The following THADA variants were observed in gnomAD, a reference collection of about 807,000 sequenced individuals.
THADA encodes the protein tRNA (32-2'-O)-methyltransferase regulator THADA.
THADA carries 213 observed loss-of-function variants against 219.8 expected under a neutral mutation model. The observed-to-expected ratio is 0.97, with a 90% CI of 0.87 to 1.09. The LOEUF (loss-of-function observed/expected upper bound fraction) is 1.09. Ranked by LOEUF, THADA falls within the 50% of genes least tolerant of loss-of-function variation. The pLI, the probability that THADA is intolerant of heterozygous loss-of-function variation, is 0.00. For synonymous variants in THADA, 1,018 were observed against 828.9 expected, an observed-to-expected ratio of 1.23 and a Z score of -3.92; for missense variants, 2,956 against 2,311.3, an observed-to-expected ratio of 1.28 and a Z score of -5.72.
intron 29 of THADA, among the ~76,000 whole-genome samples, chr2:43,378,310 C>G (rs774111229): frequency 8.6e-5 from 13 of 152,014 alleles, no homozygotes; most frequent in Non-Finnish European, 1.5e-4. Context: ...AATCAAGAAT[C>G]AAGCCCAGAG....
intron 28 of THADA, among the ~76,000 whole-genome samples, chr2:43,419,487 T>A (rs1454271269): frequency 1.3e-5 from 2 of 152,270 alleles, no homozygotes; most frequent in African/African-American, 4.8e-5. Context: ...CAGAGAAAGC[T>A]AACCGAAACA....
At chr2:43,377,342 T>C (rs1671496717) in intron 29 of THADA, among the ~76,000 whole-genome samples, 1 of 152,196 alleles carries the variant, frequency 6.6e-6, no homozygotes, top group Non-Finnish European at 1.5e-5. Context: ...AGTCAATGCT[T>C]GACTGAGGTG....
chr2:43,416,986 T>C lies in THADA; in HGVS notation c.4058+11114A>G, dbSNP rs377058904. Among the ~76,000 whole-genome samples, 94 of 151,914 alleles carry C rather than the reference T, an allele frequency of 6.2e-4. 2 individuals carry two copies. In the South Asian group the frequency reaches 0.018, roughly 29 times the overall value. On this transcript the variant is annotated intron_variant, in intron 28 of 37. Transcript: ENST00000405975. ...TTTACAATTACTGCATAAGAAAACATTGGCAATTTAAAAAAGTTTCAACAC... is the reference window on the plus strand; with the variant it reads ...TTTACAATTACTGCATAAGAAAACACTGGCAATTTAAAAAAGTTTCAACAC...
chr2:43,595,359 G>A (rs1702029454), intron 1 of THADA, among the ~76,000 whole-genome samples: 1 of 152,186 alleles, frequency 6.6e-6, no homozygotes, highest in Non-Finnish European at 1.5e-5. Flanking sequence ...GTCAGATCTA[G>A]AGGAATAGAG....
intron 20 of THADA, among the ~76,000 whole-genome samples, chr2:43,542,441 A>G: frequency 6.6e-6 from 1 of 152,132 alleles, no homozygotes; most frequent in East Asian, 1.9e-4. Context: ...AAGTGTGGAG[A>G]TAATTTTTTG....
At chr2:43,372,998 G>GT (rs1242933513) in intron 29 of THADA, among the ~76,000 whole-genome samples, 1 of 151,992 alleles carries the variant, frequency 6.6e-6, no homozygotes, top group African/African-American at 2.4e-5. Flanking sequence ...GCCAAGTCTA[G>GT]TAAGTATTTA....
intron 21 of THADA, among the ~76,000 whole-genome samples, chr2:43,533,900 G>A (rs888663670): frequency 2.6e-5 from 4 of 152,034 alleles, no homozygotes; most frequent in African/African-American, 9.7e-5. Context: ...AGAACTTAAA[G>A]TAAAATAAAA....
intron 36 of THADA, among the ~76,000 whole-genome samples, chr2:43,259,317 G>A (rs1184961089): frequency 1.3e-5 from 2 of 152,214 alleles, no homozygotes; most frequent in Non-Finnish European, 2.9e-5. Flanking sequence ...CTGCTCCTGA[G>A]TCTTGATCCA....
At chr2:43,443,729 G>A (rs1486704374) in intron 26 of THADA, among the ~76,000 whole-genome samples, 4 of 152,238 alleles carry the variant, frequency 2.6e-5, no homozygotes, top group African/African-American at 9.6e-5. Flanking sequence ...GAATGAAGCA[G>A]CTTTAAATTC....
chr2:43,377,508 C>G (rs1254547425), intron 29 of THADA, among the ~76,000 whole-genome samples: 1 of 151,986 alleles, frequency 6.6e-6, no homozygotes, highest in African/African-American at 2.4e-5. Flanking sequence ...GTGCAGTGAC[C>G]CACAGGGGAA....
chr2:43,527,933 C>A lies in THADA; in HGVS notation c.3320G>T (p.Gly1107Val). 6.2e-7 allele frequency: 1 copy of A among 1,613,702 alleles called. No homozygotes were observed. The highest frequency in any genetic ancestry group is 8.5e-7 in the Non-Finnish European group (1 of 1,179,776). The change falls in exon 22 of 38, where the codon GGA (glycine) becomes GTA (valine). Residue 1107 changes from glycine to valine, a missense_variant. Gly to Val is a moderately radical substitution (Grantham distance 109, BLOSUM62 -3). Transcript: ENST00000405975. ...KQHLLQSRHR[G>V]AFELAYTGFV... ...ACCAGTATAAGCCAATTCAAATGCT[C>A]CTCTGTGCCTGGACTGCAAAAGGTG...
At chr2:43,479,664 G>A (rs1482918530) in intron 26 of THADA, among the ~76,000 whole-genome samples, 1 of 150,672 alleles carries the variant, frequency 6.6e-6, no homozygotes, top group Non-Finnish European at 1.5e-5. Flanking sequence ...TCCTTATTGG[G>A]GTAATTTCAT....
intron 25 of THADA, 31 bp downstream of exon 25, chr2:43,498,802 A>C (rs1415393560): frequency 1.9e-6 from 3 of 1,603,764 alleles, no homozygotes; most frequent in Non-Finnish European, 2.6e-6. Flanking sequence ...GCATAATTAA[A>C]TCAATGAAAA....
At chr2:43,577,896 AAT>A (rs1229950115) in intron 9 of THADA, among the ~76,000 whole-genome samples, 1 of 152,140 alleles carries the variant, frequency 6.6e-6, no homozygotes, top group Non-Finnish European at 1.5e-5. Context: ...TAACATTAAA[AAT>A]ATCTTTTAAG....
At chr2:43,554,786 C>A (rs1374277349) in intron 17 of THADA, among the ~76,000 whole-genome samples, 3 of 152,086 alleles carry the variant, frequency 2.0e-5, no homozygotes, top group African/African-American at 7.2e-5. Flanking sequence ...CATTTGTTTA[C>A]CATAAACTCT....
chr2:43,292,628 T>C (rs1674865915), intron 32 of THADA, among the ~76,000 whole-genome samples: 2 of 152,200 alleles, frequency 1.3e-5, no homozygotes, highest in South Asian at 4.1e-4. Context: ...ACTCCTATCA[T>C]CAAAAGCTTT....
intron 28 of THADA, among the ~76,000 whole-genome samples, chr2:43,403,971 T>C (rs955975178): frequency 6.6e-5 from 10 of 152,182 alleles, no homozygotes; most frequent in African/African-American, 2.4e-4. Flanking sequence ...CCCTATTTAA[T>C]AGGCCATCTC....
At chr2:43,552,896 G>A (rs935058298) in intron 17 of THADA, among the ~76,000 whole-genome samples, 1 of 151,680 alleles carries the variant, frequency 6.6e-6, no homozygotes, top group African/African-American at 2.4e-5. Context: ...ATCACATATT[G>A]TATGATTCCA....
At chr2:43,329,867 C>T (rs1046568511) in intron 30 of THADA, among the ~76,000 whole-genome samples, 5 of 152,198 alleles carry the variant, frequency 3.3e-5, no homozygotes. Flanking sequence ...ACATTTTCAA[C>T]GTGGCGATTA....
Sources: allele counts gnomAD v4.1 joint callset (sites outside exome capture counted in the v4.1 genomes callset), GRCh38; gene constraint gnomAD v4.1.1; transcripts MANE v1.5; gene names NCBI Gene and HGNC (gene_info 2026-07-23, HGNC 2026-07-21).